The following KIF13B variants were observed in gnomAD, a reference collection of about 807,000 sequenced individuals.
KIF13B encodes kinesin-like protein KIF13B.
In KIF13B, 127 loss-of-function variants were observed where a neutral mutation model predicts 222.0. The ratio of observed to expected loss-of-function variants is 0.57; its 90% CI spans 0.50 to 0.66. The LOEUF (loss-of-function observed/expected upper bound fraction) is 0.66, where lower values mean the gene tolerates loss of function less well. Among genes scored for constraint, KIF13B ranks in the 30% least tolerant of loss-of-function variants. The pLI, the probability that KIF13B is intolerant of heterozygous loss-of-function variation, is 0.00. For synonymous variants in KIF13B, 976 were observed against 919.0 expected, an observed-to-expected ratio of 1.06 and a Z score of -1.12; for missense variants, 2,173 against 2,379.0, an observed-to-expected ratio of 0.91 and a Z score of 1.80.
At chr8:29,136,772 G>GA (rs1477864109) in intron 21 of KIF13B, among the ~76,000 whole-genome samples, 1 of 147,000 alleles carries the variant, frequency 6.8e-6, no homozygotes, top group Non-Finnish European at 1.5e-5. Context: ...GAAATGAAAT[G>GA]AAATGAAAGA....
At chr8:29,098,788 C>T (rs1808659658) in intron 36 of KIF13B, among the ~76,000 whole-genome samples, 1 of 151,476 alleles carries the variant, frequency 6.6e-6, no homozygotes, top group Admixed American at 6.6e-5. Context: ...TTTATGAAGC[C>T]AATGCAATCA....
chr8:29,191,315 A>C (rs1813174504), intron 3 of KIF13B, among the ~76,000 whole-genome samples: 1 of 152,248 alleles, frequency 6.6e-6, no homozygotes, highest in Admixed American at 6.5e-5. Context: ...TCACACACAC[A>C]GAATTACATC....
chr8:29,197,093 T>C (rs1329077877), intron 2 of KIF13B, among the ~76,000 whole-genome samples: 1 of 151,704 alleles, frequency 6.6e-6, no homozygotes, highest in Non-Finnish European at 1.5e-5. Context: ...ATCCCAGCAC[T>C]TTGGGAGGCC....
intron 31 of KIF13B, among the ~76,000 whole-genome samples, chr8:29,115,548 A>C (rs1205755282): frequency 6.6e-6 from 1 of 151,630 alleles, no homozygotes; most frequent in Non-Finnish European, 1.5e-5. Context: ...CTGGTCTCAA[A>C]CTCCCGACCT....
At chr8:29,110,162 C>T (rs3736225) in intron 32 of KIF13B, 92 bp from the exon 33 acceptor site, 406,916 of 1,087,610 alleles carry the variant, frequency 0.37, 81,126 homozygotes, top group Non-Finnish European at 0.41. Context: ...GAACGTATTC[C>T]AAAATTCCAT....
chr8:29,199,984 T>G (rs1286615992), intron 2 of KIF13B, among the ~76,000 whole-genome samples: 1 of 152,204 alleles, frequency 6.6e-6, no homozygotes, highest in Non-Finnish European at 1.5e-5. Flanking sequence ...TAAAATGTTT[T>G]TATACCAAAA....
chr8:29,262,648 C>G (rs914528092), intron 1 of KIF13B, among the ~76,000 whole-genome samples: 1 of 151,076 alleles, frequency 6.6e-6, no homozygotes, highest in Non-Finnish European at 1.5e-5. Flanking sequence ...CGAGGCTGGG[C>G]GCGAGGGCCG....
rs369434746 is a variant in KIF13B at position 29,181,942 on chromosome 8, T to C, written c.562A>G (p.Lys188Glu). The C allele has an allele frequency of 4.2e-5, 68 of 1,613,686 alleles. No homozygotes were observed. The highest frequency in any genetic ancestry group is 5.8e-5 in the Non-Finnish European group (68 of 1,179,662). The stretch of plus-strand genomic sequence containing the variant: ...ACCTTGTAGCTTGTGACAGCCAGTT[T>C]AGAAAGTCCGTCGACATAAGGTCCC... ...VLGPYVDGLS[K>E]LAVTSYKDIE... Residue 188 changes from lysine to glutamate, a missense_variant, in exon 7 of 40, where the codon AAA becomes GAA. This residue lies in a region of KIF13B where 1,480 missense variants were observed against 1,722.8 expected (regional missense o/e 0.86). Transcript: ENST00000524189.
chr8:29,234,538 G>A (rs181827979), intron 2 of KIF13B, among the ~76,000 whole-genome samples: 10 of 148,650 alleles, frequency 6.7e-5, no homozygotes, highest in Admixed American at 2.7e-4. Flanking sequence ...TATGTAATGA[G>A]CACAGAGTTC....
intron 23 of KIF13B, among the ~76,000 whole-genome samples, chr8:29,131,018 A>G (rs1166035172): frequency 6.6e-6 from 1 of 152,232 alleles, no homozygotes. Context: ...TATCCCTTGC[A>G]GCAACTTGGA....
intron 3 of KIF13B, among the ~76,000 whole-genome samples, chr8:29,191,715 A>C (rs1813197935): frequency 6.6e-6 from 1 of 152,238 alleles, no homozygotes; most frequent in African/African-American, 2.4e-5. Context: ...ACCACTTTCT[A>C]GAATATCACA....
intron 37 of KIF13B, among the ~76,000 whole-genome samples, chr8:29,083,799 T>C (rs955093731): frequency 1.3e-5 from 2 of 152,186 alleles, no homozygotes; most frequent in Non-Finnish European, 1.5e-5. Flanking sequence ...ACTATATCTA[T>C]AGCTGTTTAA....
chr8:29,227,209 T>C (rs1815064576), intron 2 of KIF13B, among the ~76,000 whole-genome samples: 1 of 152,202 alleles, frequency 6.6e-6, no homozygotes, highest in Admixed American at 6.5e-5. Context: ...TCAATCCTCA[T>C]CTCAAGTTAT....
At chr8:29,124,406 T>C (rs1243721526) in intron 26 of KIF13B, among the ~76,000 whole-genome samples, 1 of 152,184 alleles carries the variant, frequency 6.6e-6, no homozygotes, top group Non-Finnish European at 1.5e-5. Context: ...AACAAAAATC[T>C]TCTAAAAGGT....
chr8:29,220,544 T>A (rs981226440), intron 2 of KIF13B, among the ~76,000 whole-genome samples: 16 of 141,756 alleles, frequency 1.1e-4, no homozygotes, highest in Admixed American at 9.1e-4. Flanking sequence ...AAATAAAATT[T>A]CTTTATTTAA....
At chr8:29,235,242 AC>A (rs1815457244) in intron 2 of KIF13B, among the ~76,000 whole-genome samples, 2 of 152,220 alleles carry the variant, frequency 1.3e-5, no homozygotes, top group African/African-American at 4.8e-5. Context: ...CAAAAGCAAA[AC>A]AAAGGCTGTG....
At chr8:29,223,957 T>C (rs934629946) in intron 2 of KIF13B, among the ~76,000 whole-genome samples, 10 of 147,894 alleles carry the variant, frequency 6.8e-5, no homozygotes, top group East Asian at 6.2e-4. Context: ...TCCCAAAGTG[T>C]TGGGATTACA....
intron 29 of KIF13B, among the ~76,000 whole-genome samples, chr8:29,120,823 G>A (rs112906388): frequency 0.43 from 4,743 of 11,148 alleles, 1,152 homozygotes; most frequent in Admixed American, 0.51. Context: ...CTATTTCTCC[G>A]CATCCTCTCC....
chr8:29,241,025 A>G (rs540944221), intron 2 of KIF13B, among the ~76,000 whole-genome samples: 1 of 152,376 alleles, frequency 6.6e-6, no homozygotes, highest in East Asian at 1.9e-4. Context: ...TGCATTATCC[A>G]TGAAGCCAAA....
Sources: allele counts gnomAD v4.1 joint callset (sites outside exome capture counted in the v4.1 genomes callset), GRCh38; gene constraint gnomAD v4.1.1; regional missense constraint gnomAD v4.1.1; transcripts MANE v1.5; gene names NCBI Gene and HGNC (gene_info 2026-07-23, HGNC 2026-07-21).